The following MAP7D3 variants were observed in gnomAD, a reference collection of about 807,000 sequenced individuals.
The protein encoded by MAP7D3 is MAP7 domain containing 3, also known as MAP7 domain-containing protein 3.
A neutral mutation model predicts 62.2 loss-of-function variants in MAP7D3; 45 were observed. The observed-to-expected ratio is 0.72, with a 90% CI of 0.57 to 0.93. The LOEUF is 0.93. Ranked by LOEUF, MAP7D3 falls within the 40% of genes least tolerant of loss-of-function variation. The pLI is 0.00. For synonymous variants in MAP7D3, 288 were observed against 248.8 expected, an observed-to-expected ratio of 1.16 and a Z score of -1.48; for missense variants, 711 against 683.1, an observed-to-expected ratio of 1.04 and a Z score of -0.45.
chrX:136,237,871 C>G (rs1339922436), intron 6 of MAP7D3, among the ~76,000 whole-genome samples: 1 of 107,567 alleles, frequency 9.3e-6, no homozygotes, highest in Non-Finnish European at 1.9e-5. Flanking sequence ...GCCATCCCTC[C>G]CCCCTCCCCA....
intron 14 of MAP7D3, among the ~76,000 whole-genome samples, chrX:136,223,206 C>A (rs925395761): frequency 9.0e-6 from 1 of 110,930 alleles, no homozygotes; most frequent in Non-Finnish European, 1.9e-5. Context: ...TGACTCCCAG[C>A]GCTTTTTGAA....
intron 10 of MAP7D3, among the ~76,000 whole-genome samples, chrX:136,229,546 C>T (rs987045573): frequency 1.8e-5 from 2 of 110,309 alleles, no homozygotes; most frequent in African/African-American, 3.3e-5. Context: ...GAATACTACA[C>T]AAATCAAGGG....
At chrX:136,224,921 T>G in intron 13 of MAP7D3, 41 bp from the exon 14 acceptor site, 1 of 924,313 alleles carries the variant, frequency 1.1e-6, no homozygotes, top group Non-Finnish European at 1.6e-6. Context: ...GAAAACAGAT[T>G]AGAAACCAAA....
downstream of MAP7D3, chrX:136,213,458 A>G (rs992283116): frequency 9.0e-6 from 1 of 110,902 alleles, no homozygotes; most frequent in African/African-American, 3.3e-5. Flanking sequence ...TGTAGTCATG[A>G]GACTGTGGGC....
intron 10 of MAP7D3, among the ~76,000 whole-genome samples, chrX:136,229,993 ATT>A (rs1173283842): frequency 0.019 from 913 of 47,858 alleles, 3 homozygotes; most frequent in African/African-American, 0.037. Flanking sequence ...ATATATATAT[ATT>A]TTTTTTTTTT....
chrX:136,237,994 C>G (rs920907276), intron 6 of MAP7D3, among the ~76,000 whole-genome samples: 1 of 109,678 alleles, frequency 9.1e-6, no homozygotes, highest in Non-Finnish European at 1.9e-5. Flanking sequence ...TTTGTCCTTG[C>G]GATAGTTTGC....
chrX:136,232,024 C>T lies in MAP7D3; in HGVS notation c.933G>A (p.Val311=). Reference sequence around the variant, plus strand: ...CCATGCTTGTGTTGCAGAATACTTCCACATTCACCTGGGGGGGTGCATCCA... The same window carrying T: ...CCATGCTTGTGTTGCAGAATACTTCTACATTCACCTGGGGGGGTGCATCCA... The part of the protein sequence containing the change: ...ASVDAPPQVN[V]EVFCNTSMEA... Residue 311 remains valine, a synonymous_variant, in exon 8 of 19, where the codon GTG becomes GTA. Coordinates refer to ENST00000316077, the MANE Select transcript of MAP7D3 (RefSeq NM_024597.4). 1 of 1,211,255 alleles carries T rather than the reference C, an allele frequency of 8.3e-7. No homozygotes were observed. Among genetic ancestry groups the T allele is most frequent in the Non-Finnish European group, 1.1e-6 (1 of 895,056 alleles).
At chrX:136,235,315 C>T (rs1025103228) in intron 7 of MAP7D3, among the ~76,000 whole-genome samples, 1 of 112,450 alleles carries the variant, frequency 8.9e-6, no homozygotes, top group Non-Finnish European at 1.9e-5. Context: ...ATAAAGATCC[C>T]TGTGTCAATG....
At chrX:136,250,886 G>A (rs972776683) in intron 1 of MAP7D3, among the ~76,000 whole-genome samples, 3 of 111,694 alleles carry the variant, frequency 2.7e-5, no homozygotes, top group Admixed American at 9.3e-5. Flanking sequence ...TGCGTTCGTT[G>A]GGGCGGTTGC....
In MAP7D3 at chrX:136,250,980, T is replaced by C. The variant is rs1403755309; in HGVS notation, c.70+309A>G. On this transcript the variant is annotated intron_variant, in intron 1 of 18. Transcript: ENST00000316077. The stretch of plus-strand genomic sequence containing the variant: ...CTTCCAGCCGCCCCCGCCCCGCCCG[T>C]CGAAGCAGAGCCCGTGAGTTGCCTC... Among the ~76,000 whole-genome samples, 8 of 111,073 alleles carry C rather than the reference T, an allele frequency of 7.2e-5. No homozygotes were observed. The East Asian group carries it at 2.3e-3, about 32-fold the overall frequency.
chrX:136,251,521 G>A (rs993545584), upstream of MAP7D3: 53 of 838,927 alleles, frequency 6.3e-5, no homozygotes, highest in Non-Finnish European at 7.2e-5. Context: ...CCTGCGAACC[G>A]GGCAGGATTG....
At chrX:136,219,855 T>C (rs2074102783) in intron 16 of MAP7D3, 184 bp from the exon 17 acceptor site, 1 of 496,455 alleles carries the variant, frequency 2.0e-6, no homozygotes, top group African/African-American at 2.3e-5. Flanking sequence ...TTTCAAACTG[T>C]ATTCCAGAAA....
chrX:136,244,420 T>C (rs780896893), intron 4 of MAP7D3, among the ~76,000 whole-genome samples: 8 of 111,473 alleles, frequency 7.2e-5, no homozygotes, highest in Non-Finnish European at 1.5e-4. Flanking sequence ...GTCTCCCCAT[T>C]CCCTAGGCTA....
In MAP7D3 at chrX:136,220,826, C is replaced by T; in HGVS notation, c.2425G>A (p.Asp809Asn). The T allele has an allele frequency of 1.7e-6, 2 of 1,210,540 alleles. No individual in the cohort carries two copies. Among genetic ancestry groups the T allele is most frequent in the Non-Finnish European group, 2.2e-6 (2 of 894,601 alleles). ...CTTTTTTGTCTGAAGTTTTTCAAATCGCCATTAAAATATGTTTTTGGCTCT... is the reference window on the plus strand; with the variant it reads ...CTTTTTTGTCTGAAGTTTTTCAAATTGCCATTAAAATATGTTTTTGGCTCT... ...RKEPKTYFNGDLKNFRQKSMK... is the reference protein window; with the variant it reads ...RKEPKTYFNGNLKNFRQKSMK... Residue 809 changes from aspartate (D) to asparagine (N), a missense_variant, in exon 16 of 19, where the codon GAT becomes AAT. Asp to Asn is a conservative substitution (Grantham distance 23). Coordinates refer to ENST00000316077, the MANE Select transcript of MAP7D3 (RefSeq NM_024597.4).
At position 136,227,489 on chromosome X, in the gene MAP7D3, C is replaced by T. The variant is rs991763592; in HGVS notation, c.1887-58G>A. 8 of 897,369 alleles carry T rather than the reference C, an allele frequency of 8.9e-6. No individual in the cohort carries two copies. The African/African-American group carries it at 1.4e-4, about 16-fold the overall frequency. The allele number at this position is 897,369 out of a possible 1,213,427, so 74.0% of individuals were successfully genotyped here. Reference sequence around the variant, plus strand: ...CTTGATTGCTATCATACTCAGCTTGCACTAGTGAGTTTTTATAGTGAAACT... The same window carrying T: ...CTTGATTGCTATCATACTCAGCTTGTACTAGTGAGTTTTTATAGTGAAACT... On this transcript the variant is annotated intron_variant, in intron 11 of 18. Transcript: ENST00000316077.
At chrX:136,238,058 T>C (rs939791649) in intron 6 of MAP7D3, among the ~76,000 whole-genome samples, 2 of 111,863 alleles carry the variant, frequency 1.8e-5, no homozygotes, top group Non-Finnish European at 3.8e-5. Context: ...CATGAACTCA[T>C]CATTTTTTAT....
rs1281730141 is a variant in MAP7D3, at chrX:136,251,304, GCT to G, written c.53_54del (p.Glu18AlafsTer14). ...GCCCGCTCACCCATCCGTGCCCGCA[GCT>G]CTCTCAAGGATGGGCTGCCGCCAGC... ...AGAGGSPSLR[E>X]LRARMVAAAN... On this transcript the variant is annotated frameshift_variant, in exon 1 of 19. Coordinates refer to ENST00000316077, the MANE Select transcript of MAP7D3 (RefSeq NM_024597.4). LOFTEE classifies it high-confidence loss of function. The G allele has an allele frequency of 8.8e-7, 1 of 1,131,859 alleles. No individual in the cohort carries two copies. Among genetic ancestry groups the G allele is most frequent in the Non-Finnish European group, 1.2e-6 (1 of 861,688 alleles). 93.3% of individuals were successfully genotyped at this position (1,131,859 alleles called of 1,213,427 possible).
At chrX:136,251,052 G>A (rs1328185282) in intron 1 of MAP7D3, among the ~76,000 whole-genome samples, 1 of 112,592 alleles carries the variant, frequency 8.9e-6, no homozygotes, top group Non-Finnish European at 1.9e-5. Context: ...CAGTTCGACC[G>A]TTGGCGGCGG....
In MAP7D3 at chrX:136,230,898, A is replaced by C; in HGVS notation, c.1482T>G (p.Cys494Trp). The stretch of plus-strand genomic sequence containing the variant: ...TTTCAGGAGATGATGACCATTTATA[A>C]CACTCAGTGTATGATGATAGACGCT... ...AKKRLSSYTE[C>W]YKWSSSPENA... The change falls in exon 9 of 19, where the codon TGT (cysteine) becomes TGG (tryptophan). Residue 494 changes from cysteine (C) to tryptophan (W), a missense_variant. Cys to Trp is a radical substitution (Grantham distance 215, BLOSUM62 -2). Transcript: ENST00000316077. 8.3e-7 allele frequency: 1 copy of C among 1,199,638 alleles called. No homozygotes were observed.
Sources: allele counts gnomAD v4.1 joint callset (sites outside exome capture counted in the v4.1 genomes callset), GRCh38; gene constraint gnomAD v4.1.1; transcripts MANE v1.5; gene names NCBI Gene and HGNC (gene_info 2026-07-23, HGNC 2026-07-21).